The following EDEM3 variants were observed in gnomAD, a reference collection of about 807,000 sequenced individuals.
The protein encoded by EDEM3 is ER degradation enhancing alpha-mannosidase like protein 3.
EDEM3 carries 60 observed loss-of-function variants against 110.2 expected under a neutral mutation model. That is an observed-to-expected ratio of 0.54 (90% CI 0.44 to 0.67). The LOEUF (loss-of-function observed/expected upper bound fraction) is 0.67. EDEM3 is among the 30% of genes least tolerant of loss of function. The pLI is 0.00. For missense variants in EDEM3, 996 were observed against 1,121.0 expected, an observed-to-expected ratio of 0.89 and a Z score of 1.59; for synonymous variants, 352 against 382.9, an observed-to-expected ratio of 0.92 and a Z score of 0.94.
chr1:184,746,638 T>C (rs1652444713), intron 2 of EDEM3, among the ~76,000 whole-genome samples: 1 of 152,200 alleles, frequency 6.6e-6, no homozygotes, highest in African/African-American at 2.4e-5. Context: ...ACTTTCCCAT[T>C]GTAACCCAGA....
chr1:184,726,323 C>A lies in EDEM3; in HGVS notation c.679G>T (p.Ala227Ser). ...TCAAGGATCAAGGTACCTGCACAAG[C>A]TGTACAGGTATCTGTCTCAGTTCCT... is the stretch of plus-strand genomic sequence containing the variant. The part of the protein sequence containing the change: ...RTGTETDTCT[A>S]CAGTLILEFA... Residue 227 changes from alanine to serine, a missense_variant, in exon 7 of 20, where the codon GCT becomes TCT. Physicochemically the swap from Ala to Ser is moderately conservative, Grantham distance 99. Transcript: ENST00000318130. 6.2e-7 allele frequency: 1 copy of A among 1,613,798 alleles called. No individual in the cohort carries two copies. Among genetic ancestry groups the A allele is most frequent in the Non-Finnish European group, 8.5e-7 (1 of 1,179,812 alleles).
chr1:184,710,230 A>G (rs1002618124), intron 16 of EDEM3, among the ~76,000 whole-genome samples, 164 bp downstream of exon 16: 4 of 152,248 alleles, frequency 2.6e-5, no homozygotes, highest in Non-Finnish European at 5.9e-5. Context: ...GAGTTGAATT[A>G]GGTGACTTTC....
chr1:184,701,740 G>A lies in EDEM3; in HGVS notation c.2389+1071C>T, dbSNP rs571375547. Among the ~76,000 whole-genome samples the A allele has an allele frequency of 3.3e-5, 5 of 152,128 alleles. No homozygotes were observed. The East Asian group carries it at 9.6e-4, about 29-fold the overall frequency. On this transcript the variant is annotated intron_variant, in intron 19 of 19. Transcript: ENST00000318130. ...TAAGACTAGAAAACCTTTGTATTCT[G>A]TTCTGTTTCCATCTATACATTGTTA...
chr1:184,711,792 T>C lies in EDEM3; in HGVS notation c.1622A>G (p.Tyr541Cys), dbSNP rs137866437. 5.6e-6 allele frequency: 9 copies of C among 1,613,530 alleles called. No individual in the cohort carries two copies. In the African/African-American group the frequency reaches 6.7e-5, roughly 12 times the overall value. ...TQILFPNDPL[Y>C]AQSIREPLKN... ...CAAGGGCTCACGAATACTTTGAGCA[T>C]ACAATGGGTCATTAGGAAAGAGGAT... Residue 541 changes from tyrosine (Y) to cysteine (C), a missense_variant, in exon 15 of 20, where the codon TAT becomes TGT. Coordinates refer to ENST00000318130, the MANE Select transcript of EDEM3 (RefSeq NM_025191.4).
At chr1:184,732,802 G>C in intron 6 of EDEM3, 35 bp downstream of exon 6, 1 of 1,588,622 alleles carries the variant, frequency 6.3e-7, no homozygotes, top group Non-Finnish European at 8.6e-7. Context: ...AGCAAAGAAA[G>C]TATATAAAGA....
intron 2 of EDEM3, among the ~76,000 whole-genome samples, chr1:184,740,048 C>T (rs1652051053): frequency 6.6e-6 from 1 of 152,156 alleles, no homozygotes; most frequent in Non-Finnish European, 1.5e-5. Context: ...TAGAACATTT[C>T]TACCTACTTG....
intron 2 of EDEM3, among the ~76,000 whole-genome samples, chr1:184,746,803 T>C (rs1209809985): frequency 1.3e-5 from 2 of 152,014 alleles, no homozygotes; most frequent in East Asian, 1.9e-4. Context: ...GACTGGAGAG[T>C]AGTATTAGAA....
chr1:184,735,560 A>G lies in EDEM3; in HGVS notation c.346-917T>C, dbSNP rs1249213659. ...GTTTAATCTCTCCTTGTTTGATAAT[A>G]ATTTGTTGTGCTTTTTCACTTGATT... On this transcript the variant is annotated intron_variant, in intron 4 of 19. Transcript: ENST00000318130. Among the ~76,000 whole-genome samples, 14 of 152,294 alleles carry G rather than the reference A, an allele frequency of 9.2e-5. No homozygotes were observed. The South Asian group carries it at 2.9e-3, about 32-fold the overall frequency.
intron 4 of EDEM3, among the ~76,000 whole-genome samples, chr1:184,735,626 G>A (rs1211706318): frequency 6.6e-6 from 1 of 152,132 alleles, no homozygotes; most frequent in Non-Finnish European, 1.5e-5. Context: ...TTCCATAAGA[G>A]TATCTCCCTA....
Position 184,749,563 on chromosome 1 carries a change from G to A in EDEM3, c.188C>T (p.Ala63Val). ...GNQVLEMFDH[A>V]YGNYMEHAYP... ...CCTACTTACCATATAGTTACCATAA[G>A]CATGATCAAACATTTCCAGTACTTG... The change falls in exon 2 of 20, where the codon GCT becomes GTT. Residue 63 changes from alanine to valine, a missense_variant. By Grantham distance (64) the Ala-to-Val change is moderately conservative. Transcript: ENST00000318130. 2 of 1,558,022 alleles carry A rather than the reference G, an allele frequency of 1.3e-6. No individual in the cohort carries two copies. Among genetic ancestry groups the A allele is most frequent in the Non-Finnish European group, 1.7e-6 (2 of 1,152,830 alleles).
chr1:184,724,483 T>C (rs1009854076), intron 7 of EDEM3, among the ~76,000 whole-genome samples: 8 of 152,186 alleles, frequency 5.3e-5, no homozygotes, highest in Non-Finnish European at 1.2e-4. Context: ...CTAAATAAAA[T>C]GAGTTGTGAA....
intron 17 of EDEM3, 86 bp downstream of exon 17, chr1:184,708,067 T>C (rs1650028005): frequency 8.3e-7 from 1 of 1,208,898 alleles, no homozygotes; most frequent in African/African-American, 1.6e-5. Context: ...AAATTAAAAC[T>C]ACTAAATTAG....
chr1:184,711,574 A>T, intron 15 of EDEM3, 149 bp downstream of exon 15: 5 of 515,656 alleles, frequency 9.7e-6, no homozygotes, highest in Non-Finnish European at 1.5e-5. Context: ...TTTACTACTA[A>T]TTTTTATTTT....
Position 184,737,079 on chromosome 1 carries a change from T to C in EDEM3, c.306-15A>G. The C allele has an allele frequency of 2.5e-6, 1 of 401,536 alleles. No homozygotes were observed. The highest frequency in any genetic ancestry group is 6.8e-5 in the South Asian group (1 of 14,708). 24.9% of individuals were successfully genotyped at this position (401,536 alleles called of 1,614,324 possible). On this transcript the variant is annotated splice_polypyrimidine_tract_variant and intron_variant, in intron 3 of 19. Coordinates refer to ENST00000318130, the MANE Select transcript of EDEM3 (RefSeq NM_025191.4). ...TCAGAGAAAATCTAAGAAACAAGCG[T>C]TAACAAGATATAAAACATTAGAATC...
rs961441051 is a variant in EDEM3, at chr1:184,692,384, T to G, written c.*1679A>C. 2.0e-5 allele frequency: 3 copies of G among 152,102 alleles called. No homozygotes were observed. The highest frequency in any genetic ancestry group is 4.4e-5 in the Non-Finnish European group (3 of 67,984). The allele number at this position is 152,102 out of a possible 1,614,324, so 9.4% of individuals were successfully genotyped here. A position where few individuals can be genotyped will look rare whatever the true frequency, so the allele number is the denominator to read the frequency against. ...TCCCCTCCCCAAAGTGAATTCTCCA[T>G]CAGATTTACTACTCCCTGACTCAAT... is the stretch of plus-strand genomic sequence containing the variant. On this transcript the variant is annotated 3_prime_UTR_variant, in exon 20 of 20. Coordinates refer to ENST00000318130, the MANE Select transcript of EDEM3 (RefSeq NM_025191.4).
Position 184,725,696 on chromosome 1 carries a change from A to C in EDEM3, c.747+559T>G, listed in dbSNP as rs553676321. On this transcript the variant is annotated intron_variant, in intron 7 of 19. Transcript: ENST00000318130. ...AGAGGGTGCTTTGTGTTACCACTGC[A>C]CTCCAATGACATGCTTAAATAATTA... Among the ~76,000 whole-genome samples the C allele has an allele frequency of 2.1e-3, 316 of 151,934 alleles. 1 individual carries two copies. The highest frequency in any genetic ancestry group is 7.2e-3 in the African/African-American group (300 of 41,410).
rs1649087042 is a variant in EDEM3, at chr1:184,692,083, A to G, written c.*1980T>C. On this transcript the variant is annotated 3_prime_UTR_variant, in exon 20 of 20. Transcript: ENST00000318130. ...TACAAATACAAAATCAAATCCATGT[A>G]TATAAGGCTTCTGTAATCGATGTCT... The G allele has an allele frequency of 6.6e-6, 1 of 152,126 alleles. No individual in the cohort carries two copies. The allele number at this position is 152,126 out of a possible 1,614,324, so 9.4% of individuals were successfully genotyped here. A position where few individuals can be genotyped will look rare whatever the true frequency, so the allele number is the denominator to read the frequency against.
In EDEM3 at chr1:184,732,918, A is replaced by T. The variant is rs200598664; in HGVS notation, c.531T>A (p.Asp177Glu). The T allele has an allele frequency of 5.0e-5, 81 of 1,614,016 alleles. No homozygotes were observed. The highest frequency in any genetic ancestry group is 1.8e-4 in the Admixed American group (11 of 60,006). The change falls in exon 6 of 20, where the codon GAT (aspartate) becomes GAA (glutamate). Residue 177 changes from aspartate to glutamate, a missense_variant. Around this residue, in one of 5 missense-constraint regions of EDEM3, gnomAD observed 310 missense variants for 394.6 expected, o/e 0.79. Coordinates refer to ENST00000318130, the MANE Select transcript of EDEM3 (RefSeq NM_025191.4). ...ACTGCTTTGCCATTTGGAGAAGTTC[A>T]TCATTGTACCACTGCATATATTCAC... The part of the protein sequence containing the change: ...EKGEYMQWYN[D>E]ELLQMAKQLG...
chr1:184,701,508 A>G (rs1440630706), intron 19 of EDEM3: 1 of 1,283,376 alleles, frequency 7.8e-7, no homozygotes, highest in Admixed American at 2.4e-5. Context: ...ACTATTAATA[A>G]TGTAGCTTGG....
Sources: allele counts gnomAD v4.1 joint callset (sites outside exome capture counted in the v4.1 genomes callset), GRCh38; gene constraint gnomAD v4.1.1; regional missense constraint gnomAD v4.1.1; transcripts MANE v1.5; gene names NCBI Gene and HGNC (gene_info 2026-07-23, HGNC 2026-07-21).